The following PPA2 variants were observed in gnomAD, a reference collection of about 807,000 sequenced individuals.
The protein encoded by PPA2 is inorganic pyrophosphatase 2, mitochondrial.
PPA2 carries 48 observed loss-of-function variants against 49.5 expected under a neutral mutation model. That is an observed-to-expected ratio of 0.97 (90% confidence interval 0.77 to 1.23). PPA2 has a LOEUF of 1.23. Ranked by LOEUF, PPA2 falls within the 50% of genes most tolerant of loss-of-function variation. The pLI is 0.00. For missense variants in PPA2, 429 were observed against 410.1 expected (o/e 1.05, Z -0.40); for synonymous variants, 131 against 139.9 (o/e 0.94, Z 0.45).
rs558085429 is a variant in PPA2, at chr4:105,415,688, C to A, written c.655+8508G>T. On this transcript the variant is annotated intron_variant, in intron 7 of 11. Coordinates refer to ENST00000341695, the MANE Select transcript of PPA2 (RefSeq NM_176869.3). ...GGGTGGGGCTCCCACCTGTTCCTGG[C>A]TCCTGTAGCCCGGTGGAGTGTGCAG... 2.6e-5 allele frequency among the ~76,000 whole-genome samples: 4 copies of A among 152,314 alleles called. No individual in the cohort carries two copies. The South Asian group carries it at 8.3e-4, about 32-fold the overall frequency.
intron 11 of PPA2, chr4:105,370,588 G>C (rs1328475910): frequency 2.0e-5 from 19 of 972,426 alleles, no homozygotes; most frequent in Admixed American, 6.6e-5. Context: ...CAGTACTTCA[G>C]CGAAAAAAAA....
chr4:105,449,084 G>A (rs1010673596), intron 4 of PPA2, among the ~76,000 whole-genome samples: 2 of 139,332 alleles, frequency 1.4e-5, no homozygotes, highest in African/African-American at 6.1e-5. Context: ...GGGCGTAGTG[G>A]CGGGCGCCTG....
In PPA2 at chr4:105,405,723, T is replaced by C. The variant is rs906723519; in HGVS notation, c.656-6559A>G. ...CTCCCTCAGGCTAACCTACCTAAAA[T>C]AGATACCTTATAAACAGATTAACAT... On this transcript the variant is annotated intron_variant, in intron 7 of 11. Transcript: ENST00000341695. The C allele has an allele frequency of 5.4e-5, 40 of 745,368 alleles. No homozygotes were observed. In the Admixed American group the frequency reaches 1.3e-3, roughly 24 times the overall value. The allele number at this position is 745,368 out of a possible 1,614,324, so 46.2% of individuals were successfully genotyped here. A position where few individuals can be genotyped will look rare whatever the true frequency, so the allele number is the denominator to read the frequency against.
chr4:105,388,072 T>C (rs1424372198), intron 9 of PPA2, among the ~76,000 whole-genome samples: 1 of 105,514 alleles, frequency 9.5e-6, no homozygotes, highest in Non-Finnish European at 1.8e-5. Context: ...GGGGCGGGGG[T>C]GGGGAGGTCT....
At chr4:105,434,030 G>A (rs1162195908) in intron 6 of PPA2, among the ~76,000 whole-genome samples, 1 of 152,100 alleles carries the variant, frequency 6.6e-6, no homozygotes, top group Non-Finnish European at 1.5e-5. Context: ...GTCTTACCAT[G>A]TTGCCCAGGC....
chr4:105,386,630 G>A lies in PPA2; in HGVS notation c.876C>T (p.Asn292=), dbSNP rs201653866. 52 of 1,611,528 alleles carry A rather than the reference G, an allele frequency of 3.2e-5. No individual in the cohort carries two copies. The highest frequency in any genetic ancestry group is 6.7e-5 in the African/African-American group (5 of 74,824). Reference sequence around the variant, plus strand: ...GGAAAGGGCTATCAGATATCTGCACGTTTGTGCTGGAGAGGAAAAGAGAAT... The same window carrying A: ...GGAAAGGGCTATCAGATATCTGCACATTTGTGCTGGAGAGGAAAAGAGAAT... ...KCNGGAINCT[N]VQISDSPFRC... is the part of the protein sequence containing the mutation. The change falls in exon 10 of 12, where the codon AAC becomes AAT. Residue 292 remains asparagine, a synonymous_variant. Coordinates refer to ENST00000341695, the MANE Select transcript of PPA2 (RefSeq NM_176869.3).
chr4:105,427,742 T>C (rs1232777719), intron 6 of PPA2, among the ~76,000 whole-genome samples: 2 of 152,188 alleles, frequency 1.3e-5, no homozygotes, highest in Non-Finnish European at 2.9e-5. Context: ...CTGAAAGTGA[T>C]GGGGAGAATG....
At chr4:105,441,758 A>G (rs2110294919) in intron 5 of PPA2, among the ~76,000 whole-genome samples, 1 of 152,310 alleles carries the variant, frequency 6.6e-6, no homozygotes, top group South Asian at 2.1e-4. Flanking sequence ...ATCAGAATAC[A>G]CATATTATTG....
chr4:105,462,977 G>A (rs1723154990), intron 1 of PPA2, among the ~76,000 whole-genome samples: 1 of 152,176 alleles, frequency 6.6e-6, no homozygotes, highest in Non-Finnish European at 1.5e-5. Flanking sequence ...TTTATCAGCA[G>A]CATGAAAATA....
At chr4:105,438,325 C>T (rs1333102134) in intron 5 of PPA2, among the ~76,000 whole-genome samples, 2 of 152,228 alleles carry the variant, frequency 1.3e-5, no homozygotes, top group Non-Finnish European at 2.9e-5. Flanking sequence ...AATAAATTCA[C>T]ATTCACTTTT....
At chr4:105,405,472 T>G in intron 7 of PPA2, 3 of 895,050 alleles carry the variant, frequency 3.4e-6, no homozygotes, top group Non-Finnish European at 4.0e-6. Context: ...TGAAGTTAAA[T>G]TAACCCCTCT....
At chr4:105,473,731 C>G (rs774196957) in intron 1 of PPA2, 163 bp downstream of exon 1, 3 of 1,075,676 alleles carry the variant, frequency 2.8e-6, no homozygotes, top group Non-Finnish European at 4.2e-6. Context: ...TGACTCGGTG[C>G]GCGCTCCCGC....
At chr4:105,428,591 G>A (rs1723639110) in intron 6 of PPA2, among the ~76,000 whole-genome samples, 1 of 148,174 alleles carries the variant, frequency 6.7e-6, no homozygotes, top group South Asian at 2.2e-4. Flanking sequence ...CAGAACTCAT[G>A]TTCTCCCTCA....
At chr4:105,439,810 A>G (rs533358141) in intron 5 of PPA2, among the ~76,000 whole-genome samples, 4 of 147,728 alleles carry the variant, frequency 2.7e-5, no homozygotes, top group African/African-American at 9.9e-5. Flanking sequence ...AGCATTAGGT[A>G]TATCTCCTAA....
In PPA2 at chr4:105,408,073, G is replaced by A. The variant is rs531912794; in HGVS notation, c.656-8909C>T. The stretch of plus-strand genomic sequence containing the variant: ...GAAAGAGTTCATAATCTAGATAGGC[G>A]GGTAGATAAGGAAACAAACAATTAT... On this transcript the variant is annotated intron_variant, in intron 7 of 11. Transcript: ENST00000341695. Among the ~76,000 whole-genome samples, 30 of 122,414 alleles carry A rather than the reference G, an allele frequency of 2.5e-4. No individual in the cohort carries two copies. In the South Asian group the frequency reaches 5.2e-3, roughly 21 times the overall value. The allele number at this position is 122,414 out of a possible 152,430, so 80.3% of individuals were successfully genotyped here.
At chr4:105,393,485 AAATAATAATAAT>A (rs57790851) in intron 9 of PPA2, among the ~76,000 whole-genome samples, 10,889 of 132,672 alleles carry the variant, frequency 0.082, 518 homozygotes, top group African/African-American at 0.13. Flanking sequence ...CACTGTCTCA[AAATAATAATAAT>A]AATAATAATA....
At chr4:105,386,670 G>A in intron 9 of PPA2, 34 bp from the exon 10 acceptor site, 1 of 1,579,660 alleles carries the variant, frequency 6.3e-7, no homozygotes, top group Non-Finnish European at 8.7e-7. Flanking sequence ...TTATTAAACA[G>A]GATAAAAAGA....
At chr4:105,423,416 G>A (rs2713841) in intron 7 of PPA2, 56,832 of 151,954 alleles carry the variant, frequency 0.37, 12,574 homozygotes, top group East Asian at 0.68. Flanking sequence ...AAAAATAGAG[G>A]AAAAATTGGT....
chr4:105,469,784 T>C lies in PPA2; in HGVS notation c.157+4110A>G, dbSNP rs200220329. Among the ~76,000 whole-genome samples the C allele has an allele frequency of 8.5e-5, 13 of 152,340 alleles. No homozygotes were observed. The East Asian group carries it at 2.1e-3, about 25-fold the overall frequency. On this transcript the variant is annotated intron_variant, in intron 1 of 11. Coordinates refer to ENST00000341695, the MANE Select transcript of PPA2 (RefSeq NM_176869.3). Reference sequence around the variant, plus strand: ...AACCCATTGTGTTCCATTATATCAGTTGAAGTTCTATGATATAGGCCAACT... The same window carrying C: ...AACCCATTGTGTTCCATTATATCAGCTGAAGTTCTATGATATAGGCCAACT...
Sources: allele counts gnomAD v4.1 joint callset (sites outside exome capture counted in the v4.1 genomes callset), GRCh38; gene constraint gnomAD v4.1.1; transcripts MANE v1.5; gene names NCBI Gene and HGNC (gene_info 2026-07-23, HGNC 2026-07-21).